Variants in SORCS2 observed in about 807,000 individuals in gnomAD.
SORCS2 encodes sortilin related VPS10 domain containing receptor 2.
A neutral mutation model predicts 141.6 loss-of-function variants in SORCS2; 100 were observed. The ratio of observed to expected loss-of-function variants is 0.71; its 90% CI spans 0.60 to 0.83. The LOEUF is 0.83. Ranked by LOEUF, SORCS2 falls within the 40% of genes least tolerant of loss-of-function variation. The pLI, the probability that SORCS2 is intolerant of heterozygous loss-of-function variation, is 0.00. For missense variants in SORCS2, 1,646 were observed against 1,560.2 expected, an observed-to-expected ratio of 1.05 and a Z score of -0.93; for synonymous variants, 789 against 676.9, an observed-to-expected ratio of 1.17 and a Z score of -2.57.
intron 2 of SORCS2, among the ~76,000 whole-genome samples, chr4:7,400,676 C>T (rs1023200089): frequency 6.0e-5 from 9 of 150,470 alleles, no homozygotes; most frequent in Middle Eastern, 3.3e-3. Context: ...GACAGATGGA[C>T]GAATGGCTTG....
intron 3 of SORCS2, among the ~76,000 whole-genome samples, chr4:7,532,435 G>T (rs1273052626): frequency 1.3e-5 from 2 of 152,222 alleles, no homozygotes; most frequent in African/African-American, 4.8e-5. Flanking sequence ...CATGATGCTC[G>T]GCATGAGGTG....
At chr4:7,258,728 T>G (rs1714098235) in intron 1 of SORCS2, among the ~76,000 whole-genome samples, 1 of 152,254 alleles carries the variant, frequency 6.6e-6, no homozygotes, top group Admixed American at 6.5e-5. Flanking sequence ...CCACACTGTC[T>G]TCCACAATGG....
At chr4:7,542,660 G>A (rs1278448566) in intron 3 of SORCS2, among the ~76,000 whole-genome samples, 1 of 152,240 alleles carries the variant, frequency 6.6e-6, no homozygotes, top group African/African-American at 2.4e-5. Context: ...CATTTCCACT[G>A]TTTGAAGGCA....
intron 1 of SORCS2, among the ~76,000 whole-genome samples, chr4:7,373,200 C>G (rs2109048648): frequency 6.6e-6 from 1 of 151,626 alleles, no homozygotes; most frequent in East Asian, 2.0e-4. Context: ...ATTCCCAACA[C>G]CAAGGTATGA....
chr4:7,306,225 C>T (rs1717819537), intron 1 of SORCS2, among the ~76,000 whole-genome samples: 1 of 152,194 alleles, frequency 6.6e-6, no homozygotes. Context: ...CCCGGGCTCC[C>T]CTCCAGAGCC....
At position 7,712,829 on chromosome 4, in the gene SORCS2, C is replaced by T; in HGVS notation, c.1965C>T (p.Ser655=). 1.2e-6 allele frequency: 2 copies of T among 1,613,958 alleles called. No homozygotes were observed. The highest frequency in any genetic ancestry group is 1.7e-6 in the Non-Finnish European group (2 of 1,179,880). ...FSRQCGEEDY[S]SWELSNLQGD... is the part of the protein sequence containing the mutation. ...GGCAGTGCGGCGAGGAGGACTACAG[C>T]TCCTGGGAGCTCTCCAACCTGCAGG... The change falls in exon 15 of 27, where the codon AGC becomes AGT. Residue 655 remains serine (S), a synonymous_variant. Transcript: ENST00000507866.
At chr4:7,246,796 T>C (rs1713128406) in intron 1 of SORCS2, among the ~76,000 whole-genome samples, 1 of 152,026 alleles carries the variant, frequency 6.6e-6, no homozygotes, top group South Asian at 2.1e-4. Context: ...GGATGTGGAG[T>C]GTGCACACGA....
At chr4:7,272,708 A>C (rs370327096) in intron 1 of SORCS2, among the ~76,000 whole-genome samples, 72 of 152,378 alleles carry the variant, frequency 4.7e-4, no homozygotes, top group African/African-American at 1.5e-3. Context: ...GGGGATGGAC[A>C]ATTTGCGAAG....
At chr4:7,531,094 C>T (rs1386441306) in intron 2 of SORCS2, among the ~76,000 whole-genome samples, 1 of 152,136 alleles carries the variant, frequency 6.6e-6, no homozygotes, top group Non-Finnish European at 1.5e-5. Flanking sequence ...CAGCCACCAG[C>T]CTGAAATCAG....
intron 3 of SORCS2, among the ~76,000 whole-genome samples, chr4:7,588,116 C>T (rs1018544466): frequency 6.6e-6 from 1 of 152,178 alleles, no homozygotes. Context: ...TGAGAAACGC[C>T]GCCCATCTGG....
intron 3 of SORCS2, among the ~76,000 whole-genome samples, chr4:7,634,909 C>T (rs896734290): frequency 1.7e-4 from 26 of 152,248 alleles, no homozygotes; most frequent in Admixed American, 1.3e-3. Flanking sequence ...GACAGACCCA[C>T]GTTGAGAGGC....
At chr4:7,574,829 G>T (rs1715642272) in intron 3 of SORCS2, among the ~76,000 whole-genome samples, 2 of 152,190 alleles carry the variant, frequency 1.3e-5, no homozygotes, top group South Asian at 4.1e-4. Flanking sequence ...TGTCCCCAGG[G>T]ATGACTTGAG....
intron 1 of SORCS2, among the ~76,000 whole-genome samples, chr4:7,387,931 C>A (rs1385145696): frequency 1.3e-5 from 2 of 150,738 alleles, no homozygotes; most frequent in South Asian, 4.2e-4. Context: ...CCCACATGCA[C>A]ACACCGATAC....
At chr4:7,557,250 A>C (rs545541480) in intron 3 of SORCS2, among the ~76,000 whole-genome samples, 1 of 152,096 alleles carries the variant, frequency 6.6e-6, no homozygotes, top group Non-Finnish European at 1.5e-5. Flanking sequence ...TAGTGATCTT[A>C]GCTTCATTAC....
Position 7,667,115 on chromosome 4 carries a change from C to T in SORCS2, c.1072-9C>T. 13 of 1,609,488 alleles carry T rather than the reference C, an allele frequency of 8.1e-6. No individual in the cohort carries two copies. Among genetic ancestry groups the T allele is most frequent in the Admixed American group, 1.7e-5 (1 of 59,920 alleles). On this transcript the variant is annotated splice_polypyrimidine_tract_variant and intron_variant, in intron 7 of 26. Coordinates refer to ENST00000507866, the MANE Select transcript of SORCS2 (RefSeq NM_020777.3). ...AGCCTCTCAAAAATGTGTTTCTTCC[C>T]CCGGTTAGGCAACATCAGCAAACCA...
At chr4:7,443,684 G>A (rs541285329) in intron 2 of SORCS2, among the ~76,000 whole-genome samples, 1 of 152,338 alleles carries the variant, frequency 6.6e-6, no homozygotes, top group South Asian at 2.1e-4. Flanking sequence ...AGGACTTTGG[G>A]GCCTTGAGGC....
rs1485645399 is a variant in SORCS2 at position 7,648,246 on chromosome 4, G to A, written c.814-5888G>A. Among the ~76,000 whole-genome samples the A allele has an allele frequency of 1.3e-5, 2 of 152,154 alleles. No homozygotes were observed. The highest frequency in any genetic ancestry group is 4.8e-5 in the African/African-American group (2 of 41,414). ...GGAGGCTGGAGGAGCAGGGCTGGTT[G>A]AGAAAGGAGCCAGCTTCTGCTGGGC... On this transcript the variant is annotated intron_variant, in intron 4 of 26. Transcript: ENST00000507866. The surrounding 1 kb of genome is among the most constrained non-coding windows in gnomAD (Gnocchi z 4.2).
intron 7 of SORCS2, among the ~76,000 whole-genome samples, chr4:7,666,114 C>A (rs1053147758): frequency 6.6e-6 from 1 of 151,852 alleles, no homozygotes; most frequent in African/African-American, 2.4e-5. Flanking sequence ...AAGGGAGGGG[C>A]GATTCAGGGG....
In SORCS2 at chr4:7,679,749, C is replaced by CTT. The variant is rs55936772; in HGVS notation, c.1342-2975_1342-2974dup. On this transcript the variant is annotated intron_variant, in intron 9 of 26. Transcript: ENST00000507866. The stretch of plus-strand genomic sequence containing the variant: ...GTCTGAAGCCACACAACTTGTGGGA[C>CTT]TTTTTTTTTTTTTTTTTTTTACAGC... Among the ~76,000 whole-genome samples, 823 of 141,262 alleles carry CTT rather than the reference C, an allele frequency of 5.8e-3. 4 individuals are homozygous for CTT. The highest frequency in any genetic ancestry group is 0.019 in the South Asian group (82 of 4,294). 92.7% of individuals were successfully genotyped at this position (141,262 alleles called of 152,430 possible).
Sources: gnomAD v4.1 joint callset for allele counts (sites outside exome capture counted in the v4.1 genomes callset) on GRCh38, gnomAD v4.1.1 for gene constraint, Gnocchi (gnomAD v3.1) non-coding constraint, MANE v1.5 for transcripts, NCBI Gene and HGNC (gene_info 2026-07-23, HGNC 2026-07-21) for gene names.